Variants in TUBB8B observed in about 807,000 individuals in gnomAD.
TUBB8B encodes the protein tubulin beta 8B, also known as HSA18p11 beta-tubulin 4Q pseudogene.
TUBB8B carries 26 observed loss-of-function variants against 31.9 expected under a neutral mutation model. The observed-to-expected ratio is 0.81, with a 90% CI of 0.60 to 1.13. TUBB8B has a LOEUF of 1.13. Ranked by LOEUF, TUBB8B falls within the 50% of genes most tolerant of loss-of-function variation. TUBB8B has a pLI of 0.00. For missense variants in TUBB8B, 467 were observed against 586.7 expected (o/e 0.80, Z 2.11); for synonymous variants, 173 against 231.0 (o/e 0.75, Z 2.28).
chr18:68,855 C>T, the TUBB8B span, among the ~76,000 whole-genome samples: 22,738 of 151,806 alleles, frequency 0.15, 1,829 homozygotes, highest in East Asian at 0.45. Context: ...CTCTCTCTTA[C>T]GGGACACAGC....
At chr18:49,279 A>G (rs1329317884) in intron 1 of TUBB8B, 42 bp from the exon 2 acceptor site, 1 of 1,513,104 alleles carries the variant, frequency 6.6e-7, no homozygotes, top group East Asian at 2.5e-5. Context: ...GGGCTGAGTC[A>G]CGGAGGCGCC....
the TUBB8B span, among the ~76,000 whole-genome samples, chr18:60,087 T>C: frequency 4.8e-3 from 728 of 151,930 alleles, 12 homozygotes; most frequent in African/African-American, 0.016. Flanking sequence ...AAGAATGAGT[T>C]TGGAAATGTT....
the TUBB8B span, among the ~76,000 whole-genome samples, chr18:66,621 T>C: frequency 1.3e-5 from 2 of 152,310 alleles, no homozygotes; most frequent in South Asian, 2.1e-4. Flanking sequence ...TTCAGTTCTA[T>C]TGATTTATTC....
chr18:63,587 C>A, the TUBB8B span, among the ~76,000 whole-genome samples: 3 of 151,052 alleles, frequency 2.0e-5, no homozygotes, highest in African/African-American at 4.8e-5. Context: ...GTAACGACAA[C>A]TTGGCTACCA....
At chr18:72,196 A>AAAAAAAAACAAAAAAAACAAC in the TUBB8B span, among the ~76,000 whole-genome samples, 11 of 84,534 alleles carry the variant, frequency 1.3e-4, no homozygotes, top group African/African-American at 4.3e-4. Context: ...AAAAAAAAAA[A>AAAAAAAAACAAAAAAAACAAC]AAAGGAAAAA....
chr18:59,087 C>T, the TUBB8B span, among the ~76,000 whole-genome samples: 1 of 151,796 alleles, frequency 6.6e-6, no homozygotes, highest in Non-Finnish European at 1.5e-5. Flanking sequence ...GAGTAATCCA[C>T]CCCAATGGTT....
chr18:53,171 A>AAGG (rs1906177837), upstream of TUBB8B, among the ~76,000 whole-genome samples: 2 of 151,860 alleles, frequency 1.3e-5, no homozygotes, highest in African/African-American at 4.8e-5. Flanking sequence ...CTAGCTACTC[A>AAGG]TATTAAGATA....
the TUBB8B span, among the ~76,000 whole-genome samples, chr18:69,706 C>A: frequency 6.6e-6 from 1 of 152,176 alleles, no homozygotes; most frequent in Non-Finnish European, 1.5e-5. Context: ...GTCATTGGGT[C>A]ATAAGAAATT....
the TUBB8B span, among the ~76,000 whole-genome samples, chr18:72,597 GCATGAC>G: frequency 1.1e-4 from 16 of 152,200 alleles, no homozygotes; most frequent in African/African-American, 3.9e-4. Context: ...GAGTGCAGTG[GCATGAC>G]CATGATAATG....
At position 48,744 on chromosome 18, in the gene TUBB8B, G is replaced by A; in HGVS notation, c.277+196C>T. 4.3e-6 allele frequency: 3 copies of A among 703,112 alleles called. 1 individual carries two copies. The highest frequency in any genetic ancestry group is 5.1e-4 in the Middle Eastern group (2 of 3,956). 43.6% of individuals were successfully genotyped at this position (703,112 alleles called of 1,614,324 possible). A position where few individuals can be genotyped will look rare whatever the true frequency, so the allele number is the denominator to read the frequency against. On this transcript the variant is annotated intron_variant, in intron 3 of 3. Coordinates refer to ENST00000308911, the MANE Select transcript of TUBB8B (RefSeq NM_001358689.2). ...TCAGCTCCCGGCAGGGACATCAGTA[G>A]CTCCTCACCTTGAGGAGACACCGGG...
At chr18:71,568 TTAAA>T in the TUBB8B span, among the ~76,000 whole-genome samples, 486 of 78,474 alleles carry the variant, frequency 6.2e-3, 13 homozygotes, top group African/African-American at 0.02. Context: ...AAAAAAAAAT[TTAAA>T]AAAAAAAAAA....
At chr18:72,746 C>A in the TUBB8B span, among the ~76,000 whole-genome samples, 20 of 152,066 alleles carry the variant, frequency 1.3e-4, no homozygotes, top group African/African-American at 4.8e-4. Context: ...GGGTGGATCA[C>A]CTGATGAGGT....
upstream of TUBB8B, among the ~76,000 whole-genome samples, chr18:54,262 T>G (rs2144072033): frequency 6.6e-6 from 1 of 151,848 alleles, no homozygotes; most frequent in South Asian, 2.1e-4. Context: ...TTTTTATGGG[T>G]ACATAGTTAG....
At chr18:59,625 C>A in the TUBB8B span, among the ~76,000 whole-genome samples, 1 of 149,522 alleles carries the variant, frequency 6.7e-6, no homozygotes, top group Non-Finnish European at 1.5e-5. Flanking sequence ...CTCACTGCAA[C>A]CTCTGCCTCC....
intron 3 of TUBB8B, 42 bp downstream of exon 3, chr18:48,898 C>T (rs1341908377): frequency 7.2e-7 from 1 of 1,382,368 alleles, no homozygotes; most frequent in Non-Finnish European, 1.0e-6. Flanking sequence ...TTTGAGCTGC[C>T]CTGGCTAAGG....
At chr18:65,901 C>G in the TUBB8B span, among the ~76,000 whole-genome samples, 1 of 152,130 alleles carries the variant, frequency 6.6e-6, no homozygotes, top group Admixed American at 6.5e-5. Flanking sequence ...TATTTCCAGA[C>G]ACTAGCAACA....
At chr18:62,670 C>A in the TUBB8B span, among the ~76,000 whole-genome samples, 1 of 151,740 alleles carries the variant, frequency 6.6e-6, no homozygotes. Context: ...ATCCACCCGC[C>A]TCAGCCTCCC....
At chr18:53,166 TA>T (rs1906177464), upstream of TUBB8B, among the ~76,000 whole-genome samples, 2 of 151,836 alleles carry the variant, frequency 1.3e-5, no homozygotes, top group African/African-American at 4.8e-5. Flanking sequence ...AGTACCTAGC[TA>T]CTCATATTAA....
At chr18:56,188 A>ATGTCTTTTTTTCTAG in the TUBB8B span, among the ~76,000 whole-genome samples, 1 of 151,590 alleles carries the variant, frequency 6.6e-6, no homozygotes, top group Non-Finnish European at 1.5e-5. Context: ...ATTTGTCTTT[A>ATGTCTTTTTTTCTAG]TGTCTTTTTA....
Sources: gnomAD v4.1 joint callset for allele counts (sites outside exome capture counted in the v4.1 genomes callset) on GRCh38, gnomAD v4.1.1 for gene constraint, MANE v1.5 for transcripts, NCBI Gene and HGNC (gene_info 2026-07-23, HGNC 2026-07-21) for gene names.